Variants in ARMC9 observed in about 807,000 individuals in gnomAD.
ARMC9 encodes armadillo repeat containing 9.
ARMC9 carries 94 observed loss-of-function variants against 107.0 expected under a neutral mutation model. That is an observed-to-expected ratio of 0.88 (90% CI 0.74 to 1.04). The LOEUF (loss-of-function observed/expected upper bound fraction) is 1.04. Among genes scored for constraint, ARMC9 ranks in the 50% least tolerant of loss-of-function variants. The pLI is 0.00. For synonymous variants in ARMC9, 380 were observed against 396.9 expected, an observed-to-expected ratio of 0.96 and a Z score of 0.51; for missense variants, 942 against 1,030.1, an observed-to-expected ratio of 0.91 and a Z score of 1.17.
chr2:231,371,471 G>C (rs1202446367), intron 24 of ARMC9, 42 bp from the exon 25 acceptor site: 2 of 1,268,660 alleles, frequency 1.6e-6, no homozygotes, highest in East Asian at 3.1e-5. Context: ...TCTGTGCGGA[G>C]ACCACACAGC....
chr2:231,254,391 G>A (rs896978680), intron 9 of ARMC9, among the ~76,000 whole-genome samples: 3 of 152,204 alleles, frequency 2.0e-5, no homozygotes, highest in Non-Finnish European at 4.4e-5. Context: ...AAGTTTTAGA[G>A]TGATAGGCTC....
intron 4 of ARMC9, chr2:231,215,310 T>G (rs2033378672): frequency 8.8e-6 from 2 of 228,354 alleles, no homozygotes; most frequent in African/African-American, 4.5e-5. Flanking sequence ...TAAGAGAACA[T>G]ATATTTCAGC....
At chr2:231,232,970 C>A (rs1559325663) in intron 7 of ARMC9, among the ~76,000 whole-genome samples, 2 of 152,116 alleles carry the variant, frequency 1.3e-5, no homozygotes. Context: ...CCTGCCTCAG[C>A]CTACTGAGTA....
intron 3 of ARMC9, among the ~76,000 whole-genome samples, chr2:231,213,927 C>G (rs1196057455): frequency 6.6e-6 from 1 of 152,132 alleles, no homozygotes; most frequent in Admixed American, 6.5e-5. Context: ...CTTGGGCATT[C>G]GATACAAAAA....
At chr2:231,309,578 G>A (rs953413779) in intron 19 of ARMC9, among the ~76,000 whole-genome samples, 6 of 152,034 alleles carry the variant, frequency 3.9e-5, no homozygotes, top group Admixed American at 6.6e-5. Flanking sequence ...AATGCTTAGC[G>A]TCTGGGTCTA....
chr2:231,244,596 C>A (rs969864834), intron 9 of ARMC9, among the ~76,000 whole-genome samples: 4 of 152,102 alleles, frequency 2.6e-5, no homozygotes, highest in Non-Finnish European at 4.4e-5. Context: ...TCTCAAACTC[C>A]TGGGCTCAAG....
chr2:231,217,761 G>A (rs548543178), intron 5 of ARMC9, among the ~76,000 whole-genome samples: 19 of 152,228 alleles, frequency 1.2e-4, no homozygotes, highest in African/African-American at 4.3e-4. Flanking sequence ...CGCGATCTCG[G>A]CTCACTGCAA....
intron 14 of ARMC9, 49 bp from the exon 15 acceptor site, chr2:231,276,587 T>G (rs775660151): frequency 2.5e-6 from 4 of 1,611,718 alleles, no homozygotes; most frequent in Non-Finnish European, 3.4e-6. Flanking sequence ...TCCTCTTATA[T>G]GAAAAGTTTC....
At chr2:231,339,938 A>G (rs1235880790) in intron 20 of ARMC9, among the ~76,000 whole-genome samples, 1 of 152,244 alleles carries the variant, frequency 6.6e-6, no homozygotes, top group East Asian at 1.9e-4. Flanking sequence ...TGTCTCAACC[A>G]CAACAACAGC....
At chr2:231,350,630 AAAAAAG>A (rs1325700165) in intron 21 of ARMC9, among the ~76,000 whole-genome samples, 4 of 144,070 alleles carry the variant, frequency 2.8e-5, no homozygotes, top group East Asian at 3.9e-4. Flanking sequence ...CTCAAAAAAA[AAAAAAG>A]AAAAAGAAAA....
At chr2:231,256,039 CA>C (rs929480647) in intron 9 of ARMC9, 34 of 1,462,760 alleles carry the variant, frequency 2.3e-5, no homozygotes, top group South Asian at 5.3e-5. Flanking sequence ...GACTCAGTCT[CA>C]AAAAAAACAA....
At chr2:231,354,718 C>T (rs1404625775) in intron 21 of ARMC9, among the ~76,000 whole-genome samples, 1 of 152,200 alleles carries the variant, frequency 6.6e-6, no homozygotes, top group Non-Finnish European at 1.5e-5. Flanking sequence ...CAACCATTTG[C>T]AGGGTCCAGC....
At chr2:231,206,114 A>G in intron 1 of ARMC9, 84 bp from the exon 2 acceptor site, 1 of 818,552 alleles carries the variant, frequency 1.2e-6, no homozygotes, top group Non-Finnish European at 2.1e-6. Flanking sequence ...TTTGGGGGCC[A>G]TTATTCTGCT....
intron 19 of ARMC9, among the ~76,000 whole-genome samples, chr2:231,310,044 G>A (rs1177231081): frequency 2.0e-5 from 3 of 152,148 alleles, no homozygotes; most frequent in Admixed American, 6.5e-5. Context: ...CACCATACTC[G>A]GTTTAGTGGA....
chr2:231,360,483 A>G lies in ARMC9; in HGVS notation c.2132-271A>G, dbSNP rs114016576. On this transcript the variant is annotated intron_variant, in intron 22 of 24. Transcript: ENST00000611582. This position sits in a 1 kb window ranked among gnomAD's most constrained non-coding sequence, Gnocchi z 4.7. Reference sequence around the variant, plus strand: ...TGTTCTGAGGGCTTTCCAGAGGCTGAGGGGTGCCAGGAAGGCTGAGCGGCC... The same window carrying G: ...TGTTCTGAGGGCTTTCCAGAGGCTGGGGGGTGCCAGGAAGGCTGAGCGGCC... Among the ~76,000 whole-genome samples the G allele has an allele frequency of 0.033, 4,970 of 152,276 alleles. 105 individuals are homozygous for G. The highest frequency in any genetic ancestry group is 0.047 in the Non-Finnish European group (3,173 of 68,002).
At chr2:231,305,409 G>A (rs757370040) in intron 19 of ARMC9, among the ~76,000 whole-genome samples, 20 of 152,184 alleles carry the variant, frequency 1.3e-4, no homozygotes, top group Non-Finnish European at 2.4e-4. Flanking sequence ...CTTGTGCTTC[G>A]TTGCCAAGTA....
intron 5 of ARMC9, among the ~76,000 whole-genome samples, chr2:231,217,737 C>G (rs935717260): frequency 1.2e-4 from 18 of 152,140 alleles, no homozygotes; most frequent in Admixed American, 1.3e-4. Context: ...GTCGCCCAGG[C>G]TGGAGTATAG....
intron 9 of ARMC9, among the ~76,000 whole-genome samples, chr2:231,244,971 ACAC>A: frequency 1.3e-5 from 2 of 152,304 alleles, no homozygotes; most frequent in South Asian, 4.1e-4. Flanking sequence ...CACGGTAGAA[ACAC>A]CACAAGAGGA....
intron 9 of ARMC9, among the ~76,000 whole-genome samples, chr2:231,250,690 G>A (rs775992713): frequency 3.9e-5 from 6 of 152,156 alleles, no homozygotes; most frequent in Non-Finnish European, 8.8e-5. Context: ...CCAGGGAGAG[G>A]AGCTGGTGAC....
Sources: gnomAD v4.1 joint callset for allele counts (sites outside exome capture counted in the v4.1 genomes callset) on GRCh38, gnomAD v4.1.1 for gene constraint, Gnocchi (gnomAD v3.1) non-coding constraint, MANE v1.5 for transcripts, NCBI Gene and HGNC (gene_info 2026-07-23, HGNC 2026-07-21) for gene names.